TMEM63A: variants seen among roughly 807,000 people sequenced by gnomAD.
The protein encoded by TMEM63A is transmembrane protein 63A, also known as mechanosensitive cation channel TMEM63A.
Under a neutral mutation model 100.6 loss-of-function variants are expected in TMEM63A, and 76 were observed. The observed-to-expected ratio is 0.76, with a 90% CI of 0.63 to 0.91. The LOEUF (loss-of-function observed/expected upper bound fraction) is 0.91, where lower values mean the gene tolerates loss of function less well. Among genes scored for constraint, TMEM63A ranks in the 40% least tolerant of loss-of-function variants. The probability of loss-of-function intolerance (pLI) is 0.00; values close to 1 mark genes in which losing one functional copy is unlikely to be tolerated. For synonymous variants in TMEM63A, 401 were observed against 401.1 expected (o/e 1.00, Z 0.00); for missense variants, 876 against 1,008.8 (o/e 0.87, Z 1.78).
In TMEM63A at chr1:225,862,674, A is replaced by T; in HGVS notation, c.828-96T>A. The T allele has an allele frequency of 6.2e-7, 1 of 1,604,076 alleles. No individual in the cohort carries two copies. Among genetic ancestry groups the T allele is most frequent in the Non-Finnish European group, 8.5e-7 (1 of 1,173,674 alleles). On this transcript the variant is annotated intron_variant, in intron 11 of 24. Transcript: ENST00000366835. This position sits in a 1 kb window ranked among gnomAD's most constrained non-coding sequence, Gnocchi z 5.1. ...TTCAACCATCGAACGCCAGGGGAGA[A>T]GGAGGGGTCCAGGGCCTCCCGCCTC...
downstream of TMEM63A, chr1:225,845,186 T>C: frequency 1.2e-6 from 2 of 1,614,102 alleles, no homozygotes; most frequent in Non-Finnish European, 1.7e-6. Context: ...TGCCTTCCCT[T>C]TTGAGCTATT....
At chr1:225,845,293 G>A (rs45464298), downstream of TMEM63A, 333 of 1,612,726 alleles carry the variant, frequency 2.1e-4, 1 homozygote, top group African/African-American at 3.5e-3. Context: ...TTGAGGAGCC[G>A]GAGCTGCTCG....
intron 9 of TMEM63A, 95 bp from the exon 10 acceptor site, chr1:225,866,062 A>C: frequency 7.6e-7 from 1 of 1,314,954 alleles, no homozygotes; most frequent in Non-Finnish European, 1.1e-6. Context: ...TGGAAAGTAA[A>C]CAACAGGAAA....
intron 6 of TMEM63A, 117 bp from the exon 7 acceptor site, chr1:225,868,147 C>T: frequency 7.6e-7 from 1 of 1,310,768 alleles, no homozygotes; most frequent in African/African-American, 1.5e-5. Flanking sequence ...GCTATCCCCA[C>T]ATTTTTGTTC....
chr1:225,862,294 C>T lies in TMEM63A; in HGVS notation c.1009G>A (p.Glu337Lys). The T allele has an allele frequency of 6.2e-7, 1 of 1,614,220 alleles. No homozygotes were observed. Among genetic ancestry groups the T allele is most frequent in the Non-Finnish European group, 8.5e-7 (1 of 1,180,032 alleles). ...TGGTCCTGGACGTGGCGTTCTTCCT[C>T]TGTGATCCTCTCCAGCAGCCTGTCC... is the stretch of plus-strand genomic sequence containing the variant. ...MKDRLLERIT[E>K]EERHVQDQPL... Residue 337 changes from glutamate (E) to lysine (K), a missense_variant, in exon 13 of 25, where the codon GAG becomes AAG. Glu to Lys is a moderately conservative substitution (Grantham distance 56). Transcript: ENST00000366835. This position sits in a 1 kb window ranked among gnomAD's most constrained non-coding sequence, Gnocchi z 5.1.
chr1:225,871,626 T>G, intron 5 of TMEM63A: 1 of 288,526 alleles, frequency 3.5e-6, no homozygotes. Context: ...CTACTATGCA[T>G]CAGGCGCTGG....
At chr1:225,871,918 C>T in intron 5 of TMEM63A, 69 bp downstream of exon 5, 1 of 1,226,694 alleles carries the variant, frequency 8.2e-7, no homozygotes, top group Non-Finnish European at 1.2e-6. Context: ...CGCCCTGCTC[C>T]CTCCCCAAAA....
At position 225,867,201 on chromosome 1, in the gene TMEM63A, T is replaced by C; in HGVS notation, c.515-38A>G. ...ACAGATACTTAGTTCCAGGGTCATG[T>C]GGGGAAGCAGGAGGGGGCGTAACCA... On this transcript the variant is annotated intron_variant, in intron 7 of 24. Transcript: ENST00000366835. The surrounding 1 kb of genome is among the most constrained non-coding windows in gnomAD (Gnocchi z 4.6). 2 of 1,611,424 alleles carry C rather than the reference T, an allele frequency of 1.2e-6. No homozygotes were observed. The highest frequency in any genetic ancestry group is 1.7e-6 in the Non-Finnish European group (2 of 1,177,574).
chr1:225,848,495 G>C lies in TMEM63A; in HGVS notation c.2247C>G (p.Phe749Leu). ...SEAEAHMPPP[F>L]TPYVPRILNG... ...GAGGCTGAGGGGCACAGCTTACTGT[G>C]AACGGTGGGGGCATGTGGGCCTCTG... Residue 749 changes from phenylalanine to leucine, a missense_variant, in exon 23 of 25, where the codon TTC (phenylalanine) becomes TTG (leucine). By Grantham distance (22) the Phe-to-Leu change is conservative. This residue lies in a region of TMEM63A where 339 missense variants were observed against 342.3 expected (regional missense o/e 0.99). Coordinates refer to ENST00000366835, the MANE Select transcript of TMEM63A (RefSeq NM_014698.3). The C allele has an allele frequency of 6.2e-7, 1 of 1,614,148 alleles. No individual in the cohort carries two copies. The highest frequency in any genetic ancestry group is 1.1e-5 in the South Asian group (1 of 91,084).
chr1:225,858,117 G>A (rs532477126), intron 15 of TMEM63A, among the ~76,000 whole-genome samples: 33 of 152,240 alleles, frequency 2.2e-4, no homozygotes, highest in Admixed American at 6.5e-4. Context: ...CACCTGCCCC[G>A]TGTGCTTTCC....
chr1:225,849,088 G>T, intron 21 of TMEM63A, 76 bp from the exon 22 acceptor site: 1 of 1,163,084 alleles, frequency 8.6e-7, no homozygotes, highest in Non-Finnish European at 1.2e-6. Flanking sequence ...TGAGGAAGGG[G>T]CCGCACCTGG....
chr1:225,845,517 G>C (rs1015483688), downstream of TMEM63A: 5 of 653,474 alleles, frequency 7.7e-6, no homozygotes, highest in African/African-American at 5.4e-5. Context: ...CCCCAACTCC[G>C]TGTGGTAAGC....
intron 5 of TMEM63A, 122 bp downstream of exon 5, chr1:225,871,865 C>A (rs78286889): frequency 7.0e-6 from 5 of 715,818 alleles, no homozygotes; most frequent in Middle Eastern, 2.6e-4. Flanking sequence ...GTGCCTTCGT[C>A]GATGCAGAAA....
At position 225,877,604 on chromosome 1, in the gene TMEM63A, A is replaced by G; in HGVS notation, c.-14-10T>C. 2 of 1,603,734 alleles carry G rather than the reference A, an allele frequency of 1.2e-6. No individual in the cohort carries two copies. Among genetic ancestry groups the G allele is most frequent in the African/African-American group, 1.3e-5 (1 of 74,872 alleles). On this transcript the variant is annotated splice_polypyrimidine_tract_variant and intron_variant, in intron 2 of 24. Transcript: ENST00000366835. ...ATCGCGCCTGTCTTCCCTGGAGCAC[A>G]GGACAACAGGACAAGGCAGACGTTC...
chr1:225,881,627 G>A (rs1671093530), intron 1 of TMEM63A, among the ~76,000 whole-genome samples: 1 of 152,208 alleles, frequency 6.6e-6, no homozygotes, highest in South Asian at 2.1e-4. Flanking sequence ...TGTCAAGGGA[G>A]GGTCAGTGGG....
At chr1:225,870,736 T>C (rs1252299930) in intron 6 of TMEM63A, among the ~76,000 whole-genome samples, 3 of 152,232 alleles carry the variant, frequency 2.0e-5, no homozygotes, top group Non-Finnish European at 4.4e-5. Flanking sequence ...GATGAACATA[T>C]GATTTCCACT....
intron 14 of TMEM63A, chr1:225,859,666 G>A: frequency 3.4e-6 from 1 of 296,796 alleles, no homozygotes; most frequent in Non-Finnish European, 6.2e-6. Flanking sequence ...TTTTTTTGGA[G>A]ACAGAGTCTT....
intron 19 of TMEM63A, 84 bp from the exon 20 acceptor site, chr1:225,852,853 C>T: frequency 7.9e-7 from 1 of 1,263,634 alleles, no homozygotes; most frequent in Non-Finnish European, 1.1e-6. Context: ...GATGGGAGAG[C>T]AGGGTGGAGG....
chr1:225,878,717 T>C (rs1465868526), intron 2 of TMEM63A, among the ~76,000 whole-genome samples: 1 of 152,170 alleles, frequency 6.6e-6, no homozygotes. Flanking sequence ...CTGGTGCTTC[T>C]AGCTGTTACA....
Sources: allele counts gnomAD v4.1 joint callset (sites outside exome capture counted in the v4.1 genomes callset), GRCh38; gene constraint gnomAD v4.1.1; regional missense constraint gnomAD v4.1.1; non-coding constraint Gnocchi (gnomAD v3.1); transcripts MANE v1.5; gene names NCBI Gene and HGNC (gene_info 2026-07-23, HGNC 2026-07-21).